Variants in VPS53 observed in about 807,000 individuals in gnomAD.
VPS53 encodes VPS53 subunit of GARP complex.
A neutral mutation model predicts 107.0 loss-of-function variants in VPS53; 70 were observed. The observed-to-expected ratio is 0.65, with a 90% confidence interval of 0.54 to 0.80. VPS53 has a LOEUF of 0.80. VPS53 is among the 30% of genes least tolerant of loss of function. The pLI, the probability that VPS53 is intolerant of heterozygous loss-of-function variation, is 0.00. For missense variants in VPS53, 917 were observed against 1,049.4 expected (o/e 0.87, Z 1.74); for synonymous variants, 409 against 393.3 (o/e 1.04, Z -0.47).
At chr17:532,758 C>T in intron 19 of VPS53, 84 bp downstream of exon 19, 1 of 1,560,296 alleles carries the variant, frequency 6.4e-7, no homozygotes, top group Non-Finnish European at 8.7e-7. Context: ...TTTATTCCTG[C>T]CAAGTAGATC....
At chr17:565,634 C>T (rs926790028) in intron 13 of VPS53, among the ~76,000 whole-genome samples, 1 of 152,034 alleles carries the variant, frequency 6.6e-6, no homozygotes, top group Non-Finnish European at 1.5e-5. Flanking sequence ...CCCACCTCTC[C>T]TCCACAGCTG....
intron 4 of VPS53, among the ~76,000 whole-genome samples, chr17:672,131 C>A (rs898049571): frequency 1.3e-5 from 2 of 148,592 alleles, no homozygotes; most frequent in African/African-American, 2.5e-5. Context: ...CACACACACA[C>A]ACACACACAC....
chr17:706,640 G>A (rs902243250), intron 2 of VPS53, among the ~76,000 whole-genome samples: 7 of 152,076 alleles, frequency 4.6e-5, no homozygotes, highest in Non-Finnish European at 1.0e-4. Context: ...TGAAGTCTGT[G>A]TTGGTAGACT....
chr17:696,683 C>T (rs1972977051), intron 4 of VPS53, among the ~76,000 whole-genome samples: 2 of 152,128 alleles, frequency 1.3e-5, no homozygotes, highest in African/African-American at 4.8e-5. Context: ...CTCCTCCCTA[C>T]ACACTTTTCC....
intron 7 of VPS53, among the ~76,000 whole-genome samples, chr17:648,726 C>T (rs1452256516): frequency 6.9e-6 from 1 of 143,918 alleles, no homozygotes; most frequent in African/African-American, 2.6e-5. Flanking sequence ...ATGGAACAGG[C>T]ACTGAAGATC....
chr17:574,998 CAA>C (rs1209020166), intron 13 of VPS53, among the ~76,000 whole-genome samples: 1 of 152,170 alleles, frequency 6.6e-6, no homozygotes, highest in African/African-American at 2.4e-5. Flanking sequence ...CTCTCAAGGA[CAA>C]AGAGGCAGAA....
intron 4 of VPS53, among the ~76,000 whole-genome samples, chr17:671,992 A>G (rs985852128): frequency 1.3e-5 from 2 of 151,880 alleles, no homozygotes; most frequent in Admixed American, 6.6e-5. Context: ...GAGAATTGGG[A>G]AAAAGAGTTT....
chr17:541,790 G>A (rs1910697931), intron 17 of VPS53, among the ~76,000 whole-genome samples: 1 of 145,206 alleles, frequency 6.9e-6, no homozygotes, highest in Admixed American at 7.0e-5. Flanking sequence ...CTGAAGGAAC[G>A]TTTATCAAGC....
At chr17:592,106 T>G (rs1967690372) in intron 12 of VPS53, among the ~76,000 whole-genome samples, 1 of 152,214 alleles carries the variant, frequency 6.6e-6, no homozygotes, top group Non-Finnish European at 1.5e-5. Context: ...TTTAGGATAG[T>G]TAGCTCTTGT....
At chr17:697,369 C>G (rs752289904) in intron 4 of VPS53, 49 bp downstream of exon 4, 2 of 1,493,186 alleles carry the variant, frequency 1.3e-6, no homozygotes, top group Non-Finnish European at 1.9e-6. Flanking sequence ...ATCTGGTTGC[C>G]GGGAGAAACC....
chr17:563,996 T>A (rs1913256007), intron 13 of VPS53, among the ~76,000 whole-genome samples: 1 of 152,242 alleles, frequency 6.6e-6, no homozygotes, highest in Non-Finnish European at 1.5e-5. Context: ...AAGCCTGTAA[T>A]CCCAGCACTG....
At chr17:582,206 A>C (rs1460715311) in intron 13 of VPS53, among the ~76,000 whole-genome samples, 1 of 137,084 alleles carries the variant, frequency 7.3e-6, no homozygotes, top group African/African-American at 2.5e-5. Flanking sequence ...ATCCCAGAGA[A>C]CATCACTCAG....
chr17:544,450 T>C (rs1480046194), intron 17 of VPS53, among the ~76,000 whole-genome samples: 1 of 152,110 alleles, frequency 6.6e-6, no homozygotes, highest in Non-Finnish European at 1.5e-5. Flanking sequence ...TGATTTTGCC[T>C]CAGTTGCCAC....
intron 4 of VPS53, among the ~76,000 whole-genome samples, chr17:696,463 T>G (rs543256920): frequency 6.6e-6 from 1 of 152,150 alleles, no homozygotes; most frequent in Non-Finnish European, 1.5e-5. Flanking sequence ...AATCACAGCA[T>G]TGAAGCAATT....
In VPS53 at chr17:658,410, G is replaced by T. The variant is rs1971297666; in HGVS notation, c.373-2457C>A. ...GTGGATAGATACATCCCACTGAAGT[G>T]AGAAACTCGGCCGTGAGTTCGTGGA... is the stretch of plus-strand genomic sequence containing the variant. On this transcript the variant is annotated intron_variant, in intron 5 of 21. Coordinates refer to ENST00000437048, the MANE Select transcript of VPS53 (RefSeq NM_001128159.3). 6.9e-5 allele frequency among the ~76,000 whole-genome samples: 10 copies of T among 145,046 alleles called. No individual in the cohort carries two copies. The Admixed American group carries it at 6.9e-4, about 10-fold the overall frequency.
At chr17:641,608 C>G (rs981852055) in intron 7 of VPS53, among the ~76,000 whole-genome samples, 5 of 152,162 alleles carry the variant, frequency 3.3e-5, no homozygotes, top group African/African-American at 1.2e-4. Context: ...GTGTGCACCT[C>G]CATGCCCAGC....
At chr17:605,397 TTC>T (rs1188088814) in intron 11 of VPS53, among the ~76,000 whole-genome samples, 1 of 152,134 alleles carries the variant, frequency 6.6e-6, no homozygotes, top group African/African-American at 2.4e-5. Context: ...AGGAAGGGTG[TTC>T]TCAGCAGGGA....
At chr17:546,327 T>TCTCA (rs1555549990) in intron 17 of VPS53, among the ~76,000 whole-genome samples, 3 of 93,118 alleles carry the variant, frequency 3.2e-5, no homozygotes, top group African/African-American at 1.3e-4. Flanking sequence ...ATCTTAGATA[T>TCTCA]CTCACACACA....
At position 560,545 on chromosome 17, in the gene VPS53, T is replaced by C; in HGVS notation, c.1585A>G (p.Ile529Val). 1 of 1,614,096 alleles carries C rather than the reference T, an allele frequency of 6.2e-7. No homozygotes were observed. The highest frequency in any genetic ancestry group is 8.5e-7 in the Non-Finnish European group (1 of 1,180,004). Residue 529 changes from isoleucine (I) to valine (V), a missense_variant, in exon 15 of 22, where the codon ATC becomes GTC. Ile to Val is a conservative substitution (Grantham distance 29). Transcript: ENST00000437048. ...TCCTTTTCCTTGAGGAGGCTGCTGATAGTCAGTCCTCCACTGCTGGTTGTG... is the reference window on the plus strand; with the variant it reads ...TCCTTTTCCTTGAGGAGGCTGCTGACAGTCAGTCCTCCACTGCTGGTTGTG... ...KTTTSSGGLT[I>V]SSLLKEKEGS...
Sources: allele counts gnomAD v4.1 joint callset (sites outside exome capture counted in the v4.1 genomes callset), GRCh38; gene constraint gnomAD v4.1.1; transcripts MANE v1.5; gene names NCBI Gene and HGNC (gene_info 2026-07-23, HGNC 2026-07-21).